C8A: variants seen among roughly 807,000 people sequenced by gnomAD.
The protein encoded by C8A is complement component C8 alpha chain.
Under a neutral mutation model 65.3 loss-of-function variants are expected in C8A, and 67 were observed. The ratio of observed to expected loss-of-function variants is 1.03; its 90% confidence interval spans 0.84 to 1.26. The LOEUF (loss-of-function observed/expected upper bound fraction) is 1.26, where lower values mean the gene tolerates loss of function less well. Among genes scored for constraint, C8A ranks in the 50% most tolerant of loss-of-function variants. The pLI is 0.00. For missense variants in C8A, 781 were observed against 723.9 expected, an observed-to-expected ratio of 1.08 and a Z score of -0.90; for synonymous variants, 290 against 259.4, an observed-to-expected ratio of 1.12 and a Z score of -1.13.
intron 1 of C8A, among the ~76,000 whole-genome samples, chr1:56,859,864 C>A (rs1030572764): frequency 3.9e-5 from 6 of 152,060 alleles, no homozygotes; most frequent in African/African-American, 1.4e-4. Context: ...GGGTTCGAGA[C>A]CATCCTGACC....
intron 4 of C8A, among the ~76,000 whole-genome samples, chr1:56,879,975 G>C (rs935237963): frequency 2.0e-5 from 3 of 152,082 alleles, no homozygotes; most frequent in Non-Finnish European, 4.4e-5. Context: ...TGCATCCCTT[G>C]GGAACACAGA....
At chr1:56,896,545 AG>A (rs1388072444) in intron 7 of C8A, among the ~76,000 whole-genome samples, 1 of 152,220 alleles carries the variant, frequency 6.6e-6, no homozygotes, top group Non-Finnish European at 1.5e-5. Flanking sequence ...TGTTCTAGTC[AG>A]TCCTTCGACT....
chr1:56,904,488 G>A (rs1482308445), intron 7 of C8A, among the ~76,000 whole-genome samples: 3 of 152,136 alleles, frequency 2.0e-5, no homozygotes, highest in East Asian at 1.9e-4. Flanking sequence ...CCCAATATGC[G>A]ATATGCTGGG....
chr1:56,857,221 A>C (rs1643985401), intron 1 of C8A, among the ~76,000 whole-genome samples: 1 of 151,890 alleles, frequency 6.6e-6, no homozygotes, highest in Admixed American at 6.6e-5. Flanking sequence ...AGAATGTTGC[A>C]ATCTCCAACT....
intron 4 of C8A, among the ~76,000 whole-genome samples, chr1:56,879,393 C>T (rs564803704): frequency 1.3e-5 from 2 of 152,264 alleles, no homozygotes; most frequent in East Asian, 3.9e-4. Flanking sequence ...TCCCTTTTAA[C>T]TGGGGCTTTC....
intron 7 of C8A, among the ~76,000 whole-genome samples, chr1:56,891,030 T>C (rs1373833775): frequency 6.6e-6 from 1 of 152,156 alleles, no homozygotes; most frequent in African/African-American, 2.4e-5. Context: ...AATTGATCAA[T>C]ATATAATCGC....
chr1:56,864,280 T>C (rs1644062662), intron 1 of C8A, among the ~76,000 whole-genome samples: 2 of 152,156 alleles, frequency 1.3e-5, no homozygotes, highest in Admixed American at 6.6e-5. Flanking sequence ...GATTTACAGT[T>C]AGGTGTGATT....
In C8A at chr1:56,886,018, A is replaced by C; in HGVS notation, c.947A>C (p.Gln316Pro). The change falls in exon 7 of 11, where the codon CAG becomes CCG. Residue 316 changes from glutamine to proline, a missense_variant. By Grantham distance (76) the Gln-to-Pro change is moderately conservative (BLOSUM62 -1). Transcript: ENST00000361249. Reference protein sequence around the residue: ...DDIMLDEGMLQSLMELPDQYN... With the variant: ...DDIMLDEGMLPSLMELPDQYN... ...ATTATGCTGGATGAAGGAATGCTGC[A>C]GTCATTAATGGAGCTTCCAGATCAG... is the stretch of plus-strand genomic sequence containing the variant. 6.2e-7 allele frequency: 1 copy of C among 1,614,112 alleles called. No individual in the cohort carries two copies. The highest frequency in any genetic ancestry group is 8.5e-7 in the Non-Finnish European group (1 of 1,179,964).
chr1:56,880,347 G>T (rs1389400278), intron 4 of C8A, among the ~76,000 whole-genome samples: 1 of 152,076 alleles, frequency 6.6e-6, no homozygotes, highest in African/African-American at 2.4e-5. Flanking sequence ...TTGGGCTAGG[G>T]AAAAGTAAGT....
chr1:56,886,162 C>A lies in C8A; in HGVS notation c.1091C>A (p.Ser364Tyr), dbSNP rs370785343. Reference protein sequence around the residue: ...ILVIDKAKMESLGITSRDITT... With the variant: ...ILVIDKAKMEYLGITSRDITT... ...GTGATTGACAAAGCAAAAATGGAAT[C>A]CCTTGGTAAGTAAAGCAGAAGCTCT... The change falls in exon 7 of 11, where the codon TCC (serine) becomes TAC (tyrosine). Residue 364 changes from serine to tyrosine, a missense_variant. Physicochemically the swap from Ser to Tyr is moderately radical, Grantham distance 144. Transcript: ENST00000361249. 4.3e-6 allele frequency: 7 copies of A among 1,613,724 alleles called. No individual in the cohort carries two copies. Among genetic ancestry groups the A allele is most frequent in the Non-Finnish European group, 5.9e-6 (7 of 1,179,912 alleles).
At position 56,885,396 on chromosome 1, in the gene C8A, A is replaced by G. The variant is rs866572150; in HGVS notation, c.856-531A>G. Among the ~76,000 whole-genome samples the G allele has an allele frequency of 6.4e-3, 638 of 99,456 alleles. 41 individuals carry two copies. In the South Asian group the frequency reaches 0.1, roughly 16 times the overall value. 65.2% of individuals were successfully genotyped at this position (99,456 alleles called of 152,430 possible). On this transcript the variant is annotated intron_variant, in intron 6 of 10. Coordinates refer to ENST00000361249, the MANE Select transcript of C8A (RefSeq NM_000562.3). Reference sequence around the variant, plus strand: ...TATATTTATTTAAATATATATTTAAATAAATATATATTTATTTAAATATAT... The same window carrying G: ...TATATTTATTTAAATATATATTTAAGTAAATATATATTTATTTAAATATAT...
chr1:56,879,954 C>CAGGT (rs1404538170), intron 4 of C8A, among the ~76,000 whole-genome samples: 2 of 152,110 alleles, frequency 1.3e-5, no homozygotes, highest in African/African-American at 4.8e-5. Context: ...CGCTATGCTA[C>CAGGT]AGGTAGTCAC....
intron 7 of C8A, among the ~76,000 whole-genome samples, chr1:56,899,077 A>G (rs1182643146): frequency 6.6e-6 from 1 of 152,106 alleles, no homozygotes; most frequent in East Asian, 1.9e-4. Context: ...TTACCATGAC[A>G]ACCAGTCTTC....
intron 10 of C8A, among the ~76,000 whole-genome samples, chr1:56,916,079 G>A (rs1019349509): frequency 6.6e-6 from 1 of 152,226 alleles, no homozygotes; most frequent in Non-Finnish European, 1.5e-5. Context: ...ACCCAGACGT[G>A]CCTCTCCATG....
At position 56,867,592 on chromosome 1, in the gene C8A, A is replaced by T; in HGVS notation, c.78-17A>T. The T allele has an allele frequency of 6.3e-7, 1 of 1,595,684 alleles. No individual in the cohort carries two copies. The highest frequency in any genetic ancestry group is 8.6e-7 in the Non-Finnish European group (1 of 1,163,486). On this transcript the variant is annotated splice_polypyrimidine_tract_variant and intron_variant, in intron 1 of 10. Transcript: ENST00000361249. ...TTTGCATCTCAAAATTGATGCATGG[A>T]TCTTCCCTTTCTTTAGGAGAGTAAG...
rs374951686 is a variant in C8A at position 56,912,581 on chromosome 1, G to T, written c.1559G>T (p.Arg520Leu). The change falls in exon 10 of 11, where the codon CGC becomes CTC. Residue 520 changes from arginine (R) to leucine (L), a missense_variant. Arg to Leu is a moderately radical substitution (Grantham distance 102). Coordinates refer to ENST00000361249, the MANE Select transcript of C8A (RefSeq NM_000562.3). ...GGCACCAGCTGCAGGTGCCAGTGCC[G>T]CCTGGGTAGCTTGGGTGCTGCCTGT... is the stretch of plus-strand genomic sequence containing the variant. ...LEGTSCRCQC[R>L]LGSLGAACEQ... 3.1e-6 allele frequency: 5 copies of T among 1,614,074 alleles called. No individual in the cohort carries two copies. Among genetic ancestry groups the T allele is most frequent in the African/African-American group, 1.3e-5 (1 of 74,926 alleles).
At chr1:56,914,678 C>A (rs1644537319) in intron 10 of C8A, among the ~76,000 whole-genome samples, 1 of 151,848 alleles carries the variant, frequency 6.6e-6, no homozygotes, top group African/African-American at 2.4e-5. Flanking sequence ...TTTTGTTTTT[C>A]TTTTGAGATG....
chr1:56,915,754 G>T (rs1461893530), intron 10 of C8A, among the ~76,000 whole-genome samples: 1 of 152,186 alleles, frequency 6.6e-6, no homozygotes, highest in African/African-American at 2.4e-5. Flanking sequence ...CCTAGCTGGG[G>T]AATGAAAGAG....
intron 10 of C8A, among the ~76,000 whole-genome samples, chr1:56,914,900 A>T (rs1409736127): frequency 1.3e-5 from 2 of 151,904 alleles, no homozygotes; most frequent in African/African-American, 4.8e-5. Flanking sequence ...CTGGTCTCGA[A>T]CTCCTAGTCT....
Sources: gnomAD v4.1 joint callset for allele counts (sites outside exome capture counted in the v4.1 genomes callset) on GRCh38, gnomAD v4.1.1 for gene constraint, MANE v1.5 for transcripts, NCBI Gene and HGNC (gene_info 2026-07-23, HGNC 2026-07-21) for gene names.